HYDIN: variants seen among roughly 807,000 people sequenced by gnomAD.
HYDIN encodes the protein axonemal central pair apparatus protein HYDIN.
In HYDIN, 132 loss-of-function variants were observed where a neutral mutation model predicts 403.9. The ratio of observed to expected loss-of-function variants is 0.33; its 90% confidence interval spans 0.28 to 0.38. HYDIN has a LOEUF of 0.38. Ranked by LOEUF, HYDIN falls within the 10% of genes least tolerant of loss-of-function variation. The pLI is 1.00. For synonymous variants in HYDIN, 1,202 were observed against 1,891.7 expected, an observed-to-expected ratio of 0.64 and a Z score of 9.46; for missense variants, 2,827 against 5,009.5, an observed-to-expected ratio of 0.56 and a Z score of 13.15.
chr16:71,023,475 T>C (rs113095705), intron 21 of HYDIN, among the ~76,000 whole-genome samples: 3 of 147,456 alleles, frequency 2.0e-5, no homozygotes, highest in African/African-American at 7.5e-5. Flanking sequence ...TTTGTCCTAA[T>C]GCTCTCCCTC....
Position 70,874,798 on chromosome 16 carries a change from G to T in HYDIN, c.10660+19C>A, listed in dbSNP as rs1413018163. ...TACTGAGATCCATTGCCCTCTAGAA[G>T]CACCCTCCCCACACTTACCTTTTAC... On this transcript the variant is annotated intron_variant, in intron 63 of 85. Coordinates refer to ENST00000393567, the MANE Select transcript of HYDIN (RefSeq NM_001270974.2). 1.2e-6 allele frequency: 2 copies of T among 1,608,736 alleles called. No individual in the cohort carries two copies. Among genetic ancestry groups the T allele is most frequent in the African/African-American group, 2.7e-5 (2 of 74,886 alleles).
intron 3 of HYDIN, among the ~76,000 whole-genome samples, chr16:71,184,070 G>T (rs187303534): frequency 6.6e-6 from 1 of 152,218 alleles, no homozygotes; most frequent in Admixed American, 6.5e-5. Context: ...AGCTAGCAAT[G>T]CTCAGAACAG....
At chr16:70,826,406 C>A (rs1334029994) in intron 83 of HYDIN, among the ~76,000 whole-genome samples, 6 of 152,022 alleles carry the variant, frequency 3.9e-5, no homozygotes, top group Non-Finnish European at 8.8e-5. Flanking sequence ...TTCTTTTTCA[C>A]AATAGCTTAT....
chr16:70,886,153 T>C (rs1459509316), intron 58 of HYDIN, among the ~76,000 whole-genome samples: 1 of 151,810 alleles, frequency 6.6e-6, no homozygotes, highest in Non-Finnish European at 1.5e-5. Flanking sequence ...CACCTCCTCC[T>C]CTGTGAAGCC....
chr16:70,939,335 G>A (rs1298257332), intron 43 of HYDIN, among the ~76,000 whole-genome samples: 4 of 152,218 alleles, frequency 2.6e-5, no homozygotes, highest in African/African-American at 7.2e-5. Context: ...CAGCTGCCTC[G>A]TTTTCCAGAA....
intron 1 of HYDIN, among the ~76,000 whole-genome samples, chr16:71,196,571 G>A (rs1276347211): frequency 6.6e-6 from 1 of 152,144 alleles, no homozygotes; most frequent in African/African-American, 2.4e-5. Context: ...TGTTAGGGGA[G>A]TTTGAACCAG....
intron 4 of HYDIN, among the ~76,000 whole-genome samples, chr16:71,178,006 C>T (rs2086739705): frequency 1.3e-5 from 2 of 152,078 alleles, no homozygotes; most frequent in South Asian, 4.1e-4. Flanking sequence ...ACTTTGAAGG[C>T]TATCTTCTAC....
chr16:70,843,130 G>A (rs2037948341), intron 75 of HYDIN, among the ~76,000 whole-genome samples: 1 of 147,230 alleles, frequency 6.8e-6, no homozygotes, highest in South Asian at 2.1e-4. Context: ...CCATGCTGGT[G>A]CGCTGCACCC....
At chr16:71,184,368 G>C (rs1437232558) in intron 3 of HYDIN, among the ~76,000 whole-genome samples, 1 of 152,100 alleles carries the variant, frequency 6.6e-6, no homozygotes, top group Admixed American at 6.6e-5. Flanking sequence ...AGCCTGGAAG[G>C]TATGGTTTAC....
At chr16:71,157,825 G>A (rs571906297) in intron 6 of HYDIN, among the ~76,000 whole-genome samples, 10 of 142,084 alleles carry the variant, frequency 7.0e-5, no homozygotes, top group African/African-American at 1.6e-4. Flanking sequence ...TCATAACAGC[G>A]GTAAGCTTTT....
intron 8 of HYDIN, 78 bp downstream of exon 8, chr16:71,137,073 T>C (rs1244190565): frequency 6.1e-6 from 6 of 980,602 alleles, no homozygotes; most frequent in African/African-American, 1.6e-5. Context: ...AGTACAAAAT[T>C]CACTAATTTT....
At chr16:71,094,954 C>T (rs2083231571) in intron 10 of HYDIN, among the ~76,000 whole-genome samples, 1 of 150,528 alleles carries the variant, frequency 6.6e-6, no homozygotes, top group African/African-American at 2.5e-5. Flanking sequence ...TTTTACTGGT[C>T]AAGTTGACAT....
At chr16:70,959,903 G>A in intron 38 of HYDIN, 83 bp from the exon 39 acceptor site, 1 of 566,574 alleles carries the variant, frequency 1.8e-6, no homozygotes, top group Non-Finnish European at 3.1e-6. Flanking sequence ...ATGGAAATGG[G>A]AATGGATATT....
chr16:71,070,468 G>A (rs11862367), intron 13 of HYDIN, among the ~76,000 whole-genome samples: 5,109 of 148,420 alleles, frequency 0.034, 287 homozygotes, highest in African/African-American at 0.12. Context: ...ACAGGTGTGC[G>A]CCACCATGCA....
Position 70,860,030 on chromosome 16 carries a change from T to C in HYDIN, c.12129+38A>G. 2.1e-5 allele frequency: 33 copies of C among 1,573,168 alleles called. 1 individual carries two copies. The highest frequency in any genetic ancestry group is 2.8e-5 in the Non-Finnish European group (32 of 1,156,688). ...TTCCACACAGCAATGGCTAGAGTGA[T>C]CTAAGCCTTGGGTTGAGTGGTTCTC... On this transcript the variant is annotated intron_variant, in intron 71 of 85. Transcript: ENST00000393567.
intron 1 of HYDIN, among the ~76,000 whole-genome samples, chr16:71,197,426 TCA>T (rs921220481): frequency 2.6e-5 from 4 of 152,200 alleles, no homozygotes; most frequent in African/African-American, 9.7e-5. Flanking sequence ...CAGGCTTGGT[TCA>T]CATCTCTAAG....
chr16:70,854,300 T>C (rs968644556), intron 73 of HYDIN, among the ~76,000 whole-genome samples: 2 of 149,210 alleles, frequency 1.3e-5, no homozygotes, highest in Non-Finnish European at 3.0e-5. Flanking sequence ...AGTGGTGCAA[T>C]CTCAGCTCAC....
chr16:71,116,951 T>C lies in HYDIN; in HGVS notation c.1228-1156A>G, dbSNP rs568063418. Among the ~76,000 whole-genome samples the C allele has an allele frequency of 5.9e-5, 9 of 152,096 alleles. No homozygotes were observed. In the East Asian group the frequency reaches 1.7e-3, roughly 29 times the overall value. On this transcript the variant is annotated intron_variant, in intron 9 of 85. Coordinates refer to ENST00000393567, the MANE Select transcript of HYDIN (RefSeq NM_001270974.2). ...GAAGCAGAAAGGTGTGGGCTGTGAC[T>C]GCAGGGAACTCATACCTTAGTGGGA...
chr16:70,985,061 T>A, intron 28 of HYDIN, 124 bp downstream of exon 28: 1 of 947,784 alleles, frequency 1.1e-6, no homozygotes, highest in Non-Finnish European at 1.5e-6. Context: ...TTTTTCTGCT[T>A]CCGAGAGTTC....
Sources: allele counts gnomAD v4.1 joint callset (sites outside exome capture counted in the v4.1 genomes callset), GRCh38; gene constraint gnomAD v4.1.1; transcripts MANE v1.5; gene names NCBI Gene and HGNC (gene_info 2026-07-23, HGNC 2026-07-21).